Variants in MAP2K5 observed in about 807,000 individuals in gnomAD.
MAP2K5 encodes dual specificity mitogen-activated protein kinase kinase 5.
In MAP2K5, 49 loss-of-function variants were observed where a neutral mutation model predicts 83.1. That is an observed-to-expected ratio of 0.59 (90% confidence interval 0.47 to 0.75). The LOEUF (loss-of-function observed/expected upper bound fraction) is 0.75, where lower values mean the gene tolerates loss of function less well. Ranked by LOEUF, MAP2K5 falls within the 30% of genes least tolerant of loss-of-function variation. The probability of loss-of-function intolerance (pLI) is 0.00; values close to 1 mark genes in which losing one functional copy is unlikely to be tolerated. For synonymous variants in MAP2K5, 202 were observed against 191.8 expected (o/e 1.05, Z -0.44); for missense variants, 457 against 557.5 (o/e 0.82, Z 1.82).
intron 8 of MAP2K5, among the ~76,000 whole-genome samples, chr15:67,602,196 C>G (rs2085673814): frequency 6.6e-6 from 1 of 152,164 alleles, no homozygotes; most frequent in South Asian, 2.1e-4. Flanking sequence ...TCTTCTCTTC[C>G]TTACGATCTG....
At chr15:67,734,426 A>C (rs1028444906) in intron 17 of MAP2K5, among the ~76,000 whole-genome samples, 13 of 152,176 alleles carry the variant, frequency 8.5e-5, no homozygotes, top group Admixed American at 8.5e-4. Context: ...TGTAGTAATA[A>C]ATTGTGCTCT....
At chr15:67,681,752 T>C (rs1270430690) in intron 13 of MAP2K5, among the ~76,000 whole-genome samples, 2 of 152,242 alleles carry the variant, frequency 1.3e-5, no homozygotes, top group Non-Finnish European at 2.9e-5. Context: ...TATTTCTCTT[T>C]AGTGGTATGA....
At chr15:67,633,476 T>C (rs921561335) in intron 9 of MAP2K5, among the ~76,000 whole-genome samples, 1 of 152,228 alleles carries the variant, frequency 6.6e-6, no homozygotes, top group Non-Finnish European at 1.5e-5. Context: ...TTAAAAGTAT[T>C]GTGCATTAGT....
intron 12 of MAP2K5, among the ~76,000 whole-genome samples, chr15:67,659,774 T>C (rs904170732): frequency 6.6e-6 from 1 of 152,118 alleles, no homozygotes; most frequent in African/African-American, 2.4e-5. Flanking sequence ...TTCTATATAT[T>C]CAGTTATCTA....
intron 21 of MAP2K5, among the ~76,000 whole-genome samples, chr15:67,796,636 C>G (rs1455740848): frequency 6.6e-6 from 1 of 152,174 alleles, no homozygotes; most frequent in African/African-American, 2.4e-5. Context: ...TGAGTGAGGT[C>G]AAATATCCAA....
chr15:67,657,245 T>C (rs2087106647), intron 11 of MAP2K5, among the ~76,000 whole-genome samples: 1 of 152,180 alleles, frequency 6.6e-6, no homozygotes, highest in Non-Finnish European at 1.5e-5. Flanking sequence ...TTTATATCCT[T>C]GGTAAAAGTA....
chr15:67,711,411 C>T (rs577903989), intron 16 of MAP2K5, among the ~76,000 whole-genome samples: 11 of 152,304 alleles, frequency 7.2e-5, no homozygotes, highest in East Asian at 3.9e-4. Context: ...ATAGAACCTT[C>T]GGTAAATTAC....
chr15:67,670,071 C>A lies in MAP2K5; in HGVS notation c.847+5426C>A, dbSNP rs558212836. On this transcript the variant is annotated intron_variant, in intron 13 of 21. Transcript: ENST00000178640. ...GTCTTTCAGCTGGTAAATGGAAAAACAGACTGTAATACATCCACAGAGTGG... is the reference window on the plus strand; with the variant it reads ...GTCTTTCAGCTGGTAAATGGAAAAAAAGACTGTAATACATCCACAGAGTGG... Among the ~76,000 whole-genome samples the A allele has an allele frequency of 4.3e-4, 66 of 152,086 alleles. 1 individual carries two copies. Among genetic ancestry groups the A allele is most frequent in the Non-Finnish European group, 8.4e-4 (57 of 67,994 alleles).
intron 2 of MAP2K5, among the ~76,000 whole-genome samples, chr15:67,551,667 G>T (rs1209429266): frequency 2.0e-5 from 3 of 151,954 alleles, no homozygotes; most frequent in Non-Finnish European, 4.4e-5. Context: ...TGGAGATAGG[G>T]TCTCACTCTT....
chr15:67,560,905 C>T (rs1338711230), intron 2 of MAP2K5, among the ~76,000 whole-genome samples: 1 of 149,954 alleles, frequency 6.7e-6, no homozygotes, highest in Non-Finnish European at 1.5e-5. Flanking sequence ...GTAATCGGTG[C>T]CCCCCCCTTT....
rs912568152 is a variant in MAP2K5 at position 67,717,286 on chromosome 15, GTTTA to G, written c.1045-10623_1045-10620del. Among the ~76,000 whole-genome samples the G allele has an allele frequency of 6.6e-6, 1 of 152,142 alleles. No homozygotes were observed. The highest frequency in any genetic ancestry group is 1.5e-5 in the Non-Finnish European group (1 of 68,020). ...GTTACCTTTCAGAAACTAAGGCCTA[GTTTA>G]TTTATTAAAAAGAAACACAAATATT... is the stretch of plus-strand genomic sequence containing the variant. On this transcript the variant is annotated intron_variant, in intron 16 of 21. Transcript: ENST00000178640. The surrounding 1 kb of genome is among the most constrained non-coding windows in gnomAD (Gnocchi z 4.1).
intron 17 of MAP2K5, among the ~76,000 whole-genome samples, chr15:67,728,490 A>T (rs2089152005): frequency 6.6e-6 from 1 of 152,220 alleles, no homozygotes; most frequent in African/African-American, 2.4e-5. Context: ...TCTAATCTTT[A>T]TTAAAATTTC....
rs188035177 is a variant in MAP2K5, at chr15:67,698,065, A to G, written c.972+4497A>G. 6.6e-6 allele frequency among the ~76,000 whole-genome samples: 1 copy of G among 152,356 alleles called. No homozygotes were observed. The highest frequency in any genetic ancestry group is 2.4e-5 in the African/African-American group (1 of 41,580). On this transcript the variant is annotated intron_variant, in intron 15 of 21. Coordinates refer to ENST00000178640, the MANE Select transcript of MAP2K5 (RefSeq NM_145160.3). This position sits in a 1 kb window ranked among gnomAD's most constrained non-coding sequence, Gnocchi z 4.5. ...TAGGGGCAGATAATTAATAGGTTCA[A>G]TAGATACCTTCATCCAAACCATGAA...
At position 67,638,387 on chromosome 15, in the gene MAP2K5, G is replaced by T. The variant is rs2086648396; in HGVS notation, c.585+7460G>T. Among the ~76,000 whole-genome samples the T allele has an allele frequency of 6.6e-6, 1 of 152,158 alleles. No individual in the cohort carries two copies. On this transcript the variant is annotated intron_variant, in intron 9 of 21. Transcript: ENST00000178640. This position sits in a 1 kb window ranked among gnomAD's most constrained non-coding sequence, Gnocchi z 4.5. ...GACCTCCAGCTCCATCCATGTTCCT[G>T]CAGAGGACATGATCTCATTGTTTTT...
rs978020528 is a variant in MAP2K5 at position 67,702,909 on chromosome 15, T to C, written c.973-428T>C. On this transcript the variant is annotated intron_variant, in intron 15 of 21. Coordinates refer to ENST00000178640, the MANE Select transcript of MAP2K5 (RefSeq NM_145160.3). This position sits in a 1 kb window ranked among gnomAD's most constrained non-coding sequence, Gnocchi z 4.6. The stretch of plus-strand genomic sequence containing the variant: ...AAGAAACCCTCCTGTTCCAGACCAA[T>C]CTATCAAAATGCAAATAAGTGATAA... Among the ~76,000 whole-genome samples, 7 of 152,200 alleles carry C rather than the reference T, an allele frequency of 4.6e-5. No homozygotes were observed. The highest frequency in any genetic ancestry group is 1.7e-4 in the African/African-American group (7 of 41,446).
At chr15:67,654,687 TC>T (rs1184022904) in intron 11 of MAP2K5, among the ~76,000 whole-genome samples, 1 of 152,224 alleles carries the variant, frequency 6.6e-6, no homozygotes, top group African/African-American at 2.4e-5. Flanking sequence ...TGAGTTATAT[TC>T]TTAATGTTGC....
At position 67,644,824 on chromosome 15, in the gene MAP2K5, T is replaced by C. The variant is rs1231739409; in HGVS notation, c.586-1407T>C. ...AAGATGATATATTTTTAAAATTCCT[T>C]ATTTCTCTCATAACTAAAAACCCCA... On this transcript the variant is annotated intron_variant, in intron 9 of 21. Transcript: ENST00000178640. The surrounding 1 kb of genome is among the most constrained non-coding windows in gnomAD (Gnocchi z 4.6). 1.3e-5 allele frequency among the ~76,000 whole-genome samples: 2 copies of C among 152,156 alleles called. No individual in the cohort carries two copies. Among genetic ancestry groups the C allele is most frequent in the African/African-American group, 4.8e-5 (2 of 41,424 alleles).
rs1440282918 is a variant in MAP2K5, at chr15:67,764,665, A to G, written c.1135-4937A>G. The stretch of plus-strand genomic sequence containing the variant: ...GATGCCCACAAAAGCTGTTGAATGA[A>G]TGAATGAATAATGAATGATTGTATC... On this transcript the variant is annotated intron_variant, in intron 19 of 21. Transcript: ENST00000178640. The surrounding 1 kb of genome is among the most constrained non-coding windows in gnomAD (Gnocchi z 4.9). Among the ~76,000 whole-genome samples the G allele has an allele frequency of 6.6e-6, 1 of 152,218 alleles. No individual in the cohort carries two copies. The highest frequency in any genetic ancestry group is 1.5e-5 in the Non-Finnish European group (1 of 68,036).
intron 17 of MAP2K5, among the ~76,000 whole-genome samples, chr15:67,740,111 A>G (rs1365313652): frequency 6.6e-6 from 1 of 152,178 alleles, no homozygotes; most frequent in Non-Finnish European, 1.5e-5. Flanking sequence ...GCTTAATTAA[A>G]TCTTAGCCCT....
Sources: allele counts gnomAD v4.1 joint callset (sites outside exome capture counted in the v4.1 genomes callset), GRCh38; gene constraint gnomAD v4.1.1; non-coding constraint Gnocchi (gnomAD v3.1); transcripts MANE v1.5; gene names NCBI Gene and HGNC (gene_info 2026-07-23, HGNC 2026-07-21).